Variants in CHD1L observed in about 807,000 individuals in gnomAD.
CHD1L encodes the protein chromodomain helicase DNA binding protein 1 like.
Under a neutral mutation model 115.9 loss-of-function variants are expected in CHD1L, and 118 were observed. The observed-to-expected ratio is 1.02, with a 90% CI of 0.88 to 1.19. The LOEUF (loss-of-function observed/expected upper bound fraction) is 1.19. Among genes scored for constraint, CHD1L ranks in the 50% most tolerant of loss-of-function variants. The pLI is 0.00. For missense variants in CHD1L, 1,179 were observed against 1,065.3 expected, an observed-to-expected ratio of 1.11 and a Z score of -1.49; for synonymous variants, 411 against 387.1, an observed-to-expected ratio of 1.06 and a Z score of -0.72.
At chr1:147,266,159 T>A (rs587647813) in intron 8 of CHD1L, 72 bp downstream of exon 8, 2 of 1,388,516 alleles carry the variant, frequency 1.4e-6, no homozygotes, top group South Asian at 1.4e-5. Context: ...TATTTTATAA[T>A]CACACTCATT....
chr1:147,275,336 T>A lies in CHD1L; in HGVS notation c.1271-18T>A. 6.3e-7 allele frequency: 1 copy of A among 1,588,128 alleles called. No individual in the cohort carries two copies. Among genetic ancestry groups the A allele is most frequent in the Non-Finnish European group, 8.6e-7 (1 of 1,156,340 alleles). On this transcript the variant is annotated intron_variant, in intron 12 of 22. Transcript: ENST00000369258. The stretch of plus-strand genomic sequence containing the variant: ...GTCTTTGTGCTGCTGATTACATTCC[T>A]TTTTGCATTGTTTTCAGGTGGAGTT...
chr1:147,266,211 A>G, intron 8 of CHD1L, 124 bp downstream of exon 8: 1 of 925,530 alleles, frequency 1.1e-6, no homozygotes. Flanking sequence ...TGTATTCTGA[A>G]TAATTCTGGT....
At chr1:147,196,282 A>G in the CHD1L span, among the ~76,000 whole-genome samples, 1 of 152,146 alleles carries the variant, frequency 6.6e-6, no homozygotes, top group African/African-American at 2.4e-5. Context: ...CATGGGAATT[A>G]TTATTTATCA....
chr1:147,237,016 C>G, the CHD1L span, among the ~76,000 whole-genome samples: 7 of 148,800 alleles, frequency 4.7e-5, no homozygotes, highest in Non-Finnish European at 8.9e-5. Context: ...AAAGGGGCAC[C>G]TGCAGGCAAG....
At chr1:147,225,110 C>T in the CHD1L span, 3 of 1,602,914 alleles carry the variant, frequency 1.9e-6, no homozygotes, top group South Asian at 2.2e-5. Context: ...CATCGGTTAA[C>T]ATTTTTCAAG....
At chr1:147,256,728 A>C (rs1488554888) in intron 5 of CHD1L, among the ~76,000 whole-genome samples, 166 bp downstream of exon 5, 1 of 152,008 alleles carries the variant, frequency 6.6e-6, no homozygotes, top group Non-Finnish European at 1.5e-5. Flanking sequence ...ACAGTCCTCT[A>C]CTCATTAGCT....
the CHD1L span, among the ~76,000 whole-genome samples, chr1:147,192,161 T>G: frequency 6.6e-6 from 1 of 152,156 alleles, no homozygotes; most frequent in East Asian, 1.9e-4. Flanking sequence ...TGTTCTTCCA[T>G]TTCTTTGTAT....
chr1:147,284,467 C>G lies in CHD1L; in HGVS notation c.1822C>G (p.Gln608Glu). Residue 608 changes from glutamine to glutamate, a missense_variant, in exon 16 of 23, where the codon CAA becomes GAA. Physicochemically the swap from Gln to Glu is conservative, Grantham distance 29 (BLOSUM62 2). Transcript: ENST00000369258. ...GAAAACCCTTTTGGAGAAAGCTAGTCAAGAGGGCCGATCACTCCGAAATAA... is the reference window on the plus strand; with the variant it reads ...GAAAACCCTTTTGGAGAAAGCTAGTGAAGAGGGCCGATCACTCCGAAATAA... ...LQKTLLEKAS[Q>E]EGRSLRNKGS... is the part of the protein sequence containing the mutation. 1 of 1,609,886 alleles carries G rather than the reference C, an allele frequency of 6.2e-7. No homozygotes were observed. The highest frequency in any genetic ancestry group is 8.5e-7 in the Non-Finnish European group (1 of 1,178,702).
At chr1:147,186,866 C>T in the CHD1L span, 4 of 1,580,212 alleles carry the variant, frequency 2.5e-6, no homozygotes, top group Admixed American at 3.5e-5. Context: ...AGATAAGCTT[C>T]CCAATGAAAA....
chr1:147,200,357 G>T, the CHD1L span, among the ~76,000 whole-genome samples: 2 of 151,848 alleles, frequency 1.3e-5, no homozygotes, highest in Non-Finnish European at 2.9e-5. Context: ...TCTCTCTCCG[G>T]CTTTTTCAGT....
the CHD1L span, among the ~76,000 whole-genome samples, chr1:147,228,325 C>T: frequency 5.7e-4 from 87 of 152,230 alleles, 1 homozygote; most frequent in South Asian, 0.017. Flanking sequence ...CATGTCCCTA[C>T]AAAGGACATG....
At chr1:147,202,881 A>G in the CHD1L span, among the ~76,000 whole-genome samples, 1 of 152,170 alleles carries the variant, frequency 6.6e-6, no homozygotes, top group Admixed American at 6.5e-5. Flanking sequence ...CTGGTCACCA[A>G]GCCTTTTCCC....
upstream of CHD1L, among the ~76,000 whole-genome samples, chr1:147,242,037 G>A (rs1361449682): frequency 2.6e-5 from 4 of 151,932 alleles, no homozygotes; most frequent in African/African-American, 9.7e-5. Context: ...TATATTAGTG[G>A]TATACTACAT....
chr1:147,285,219 C>A, intron 16 of CHD1L, 105 bp from the exon 17 acceptor site: 1 of 1,284,676 alleles, frequency 7.8e-7, no homozygotes, highest in Non-Finnish European at 1.1e-6. Flanking sequence ...ATGCAGTGTT[C>A]TGTGGAATAT....
chr1:147,253,828 T>C (rs1255326386), intron 2 of CHD1L, among the ~76,000 whole-genome samples: 2 of 152,240 alleles, frequency 1.3e-5, no homozygotes, highest in African/African-American at 4.8e-5. Context: ...GTATATAGTT[T>C]GTATTTTGTT....
At chr1:147,261,509 C>A (rs1453880208) in intron 6 of CHD1L, among the ~76,000 whole-genome samples, 2 of 151,680 alleles carry the variant, frequency 1.3e-5, no homozygotes, top group Non-Finnish European at 2.9e-5. Flanking sequence ...ACATTGACAA[C>A]ACCTGAATTT....
At chr1:147,263,028 C>T (rs1044141250) in intron 6 of CHD1L, among the ~76,000 whole-genome samples, 13 of 151,706 alleles carry the variant, frequency 8.6e-5, no homozygotes, top group African/African-American at 1.2e-4. Flanking sequence ...TGTGTATATA[C>T]GTGTATACAT....
chr1:147,270,419 A>G (rs182982019), intron 10 of CHD1L, among the ~76,000 whole-genome samples: 5 of 152,238 alleles, frequency 3.3e-5, no homozygotes, highest in Non-Finnish European at 7.4e-5. Flanking sequence ...TTTTCAACCC[A>G]TATAGCTGTA....
intron 5 of CHD1L, chr1:147,259,626 T>TAA (rs880000041): frequency 2.8e-5 from 11 of 391,450 alleles, no homozygotes; most frequent in Non-Finnish European, 4.2e-5. Context: ...CCCATTTTGT[T>TAA]AAAAAAAAAA....
Sources: gnomAD v4.1 joint callset for allele counts (sites outside exome capture counted in the v4.1 genomes callset) on GRCh38, gnomAD v4.1.1 for gene constraint, MANE v1.5 for transcripts, NCBI Gene and HGNC (gene_info 2026-07-23, HGNC 2026-07-21) for gene names.